ATL3: variants seen among roughly 807,000 people sequenced by gnomAD.
ATL3 encodes the protein atlastin-3.
Under a neutral mutation model 69.5 loss-of-function variants are expected in ATL3, and 49 were observed. The observed-to-expected ratio is 0.71, with a 90% CI of 0.56 to 0.89. The LOEUF is 0.89. Ranked by LOEUF, ATL3 falls within the 40% of genes least tolerant of loss-of-function variation. The pLI is 0.00. For missense variants in ATL3, 606 were observed against 645.7 expected, an observed-to-expected ratio of 0.94 and a Z score of 0.67; for synonymous variants, 214 against 224.1, an observed-to-expected ratio of 0.95 and a Z score of 0.40.
At chr11:63,645,417 TAGAAA>T (rs992067983) in intron 6 of ATL3, among the ~76,000 whole-genome samples, 2 of 151,270 alleles carry the variant, frequency 1.3e-5, no homozygotes, top group African/African-American at 4.9e-5. Flanking sequence ...AAAAATAAAT[TAGAAA>T]AGAAAAGAAA....
intron 6 of ATL3, among the ~76,000 whole-genome samples, chr11:63,645,554 G>GACAGAGAGAC (rs1555054063): frequency 9.3e-5 from 14 of 150,198 alleles, no homozygotes; most frequent in Non-Finnish European, 1.9e-4. Context: ...GAGAGAGAGA[G>GACAGAGAGAC]AGAGAGAGAC....
rs760937113 is a variant in ATL3, at chr11:63,644,168, C to A, written c.711+1G>T. On this transcript the variant is annotated splice_donor_variant, in intron 7 of 12. Transcript: ENST00000398868. LOFTEE classifies it high-confidence loss of function. ...CATCAGAAGATTATAGTCCCACTTA[C>A]CTGTAAACGCTTATCCAAAAATGCC... The A allele has an allele frequency of 1.3e-5, 20 of 1,588,056 alleles. No homozygotes were observed. The African/African-American group carries it at 2.7e-4, about 21-fold the overall frequency.
intron 10 of ATL3, among the ~76,000 whole-genome samples, chr11:63,634,820 C>G (rs1939462128): frequency 6.6e-6 from 1 of 152,064 alleles, no homozygotes; most frequent in African/African-American, 2.4e-5. Context: ...AGTTTGAGAC[C>G]AGCCTGGGCG....
At chr11:63,657,857 CT>C (rs1174775895) in intron 3 of ATL3, among the ~76,000 whole-genome samples, 280 of 136,472 alleles carry the variant, frequency 2.1e-3, no homozygotes, top group East Asian at 7.9e-3. Flanking sequence ...ATGCCATTGG[CT>C]TTTTTTTTTT....
intron 3 of ATL3, 133 bp downstream of exon 3, chr11:63,658,628 C>T (rs1940329332): frequency 9.6e-7 from 1 of 1,046,222 alleles, no homozygotes; most frequent in Non-Finnish European, 1.3e-6. Context: ...AAAACAGGGA[C>T]TTTTTAACTT....
intron 1 of ATL3, among the ~76,000 whole-genome samples, chr11:63,661,426 A>T (rs1940415831): frequency 6.6e-6 from 1 of 152,154 alleles, no homozygotes; most frequent in Admixed American, 6.6e-5. Context: ...GAGTTTCCCT[A>T]CCAAAGCACA....
chr11:63,635,866 C>T (rs899051027), intron 9 of ATL3, among the ~76,000 whole-genome samples: 3 of 148,510 alleles, frequency 2.0e-5, no homozygotes, highest in African/African-American at 7.5e-5. Flanking sequence ...GAGTGACCAT[C>T]CGCCTTGAGG....
upstream of ATL3, chr11:63,671,657 C>A: frequency 7.2e-7 from 1 of 1,394,426 alleles, no homozygotes; most frequent in Non-Finnish European, 9.4e-7. Flanking sequence ...GCGCTGAGTG[C>A]TACCGTCCTT....
intron 1 of ATL3, 46 bp from the exon 2 acceptor site, chr11:63,659,298 A>G: frequency 6.5e-7 from 1 of 1,547,920 alleles, no homozygotes; most frequent in Non-Finnish European, 8.9e-7. Context: ...TATTTAAAAT[A>G]TGTTTTTGAA....
Position 63,658,913 on chromosome 11 carries a change from G to A in ATL3, c.262-9C>T, listed in dbSNP as rs1244060973. ...GAATGGCCACTTTCCTTCTACAGAA[G>A]TAAGAAATTTCTATTAAATCTTAAA... is the stretch of plus-strand genomic sequence containing the variant. On this transcript the variant is annotated splice_polypyrimidine_tract_variant and intron_variant, in intron 2 of 12. Transcript: ENST00000398868. 6.3e-7 allele frequency: 1 copy of A among 1,590,826 alleles called. No homozygotes were observed. Among genetic ancestry groups the A allele is most frequent in the Non-Finnish European group, 8.5e-7 (1 of 1,172,806 alleles).
At chr11:63,658,587 A>C (rs909902940) in intron 3 of ATL3, among the ~76,000 whole-genome samples, 174 bp downstream of exon 3, 1 of 152,242 alleles carries the variant, frequency 6.6e-6, no homozygotes, top group African/African-American at 2.4e-5. Flanking sequence ...AGAAAATCCT[A>C]TTTATCCACA....
At chr11:63,660,281 C>G (rs1407697031) in intron 1 of ATL3, among the ~76,000 whole-genome samples, 1 of 152,058 alleles carries the variant, frequency 6.6e-6, no homozygotes, top group Non-Finnish European at 1.5e-5. Flanking sequence ...AAATAACAGG[C>G]ACTTTGTAAG....
intron 3 of ATL3, among the ~76,000 whole-genome samples, chr11:63,656,005 A>C (rs1019512186): frequency 2.0e-5 from 3 of 152,114 alleles, no homozygotes; most frequent in Non-Finnish European, 4.4e-5. Context: ...CGGGCAGATC[A>C]CGAGGTCAGG....
At chr11:63,644,376 ATT>A in intron 6 of ATL3, 115 bp from the exon 7 acceptor site, 1 of 457,122 alleles carries the variant, frequency 2.2e-6, no homozygotes, top group Non-Finnish European at 3.8e-6. Flanking sequence ...AAGTAGAAGG[ATT>A]TACCTTTTTT....
At chr11:63,636,480 T>C in intron 8 of ATL3, 146 bp from the exon 9 acceptor site, 1 of 1,113,576 alleles carries the variant, frequency 9.0e-7, no homozygotes, top group South Asian at 1.6e-5. Flanking sequence ...GGCTCACGCC[T>C]ATAATCCTAG....
chr11:63,643,253 G>A (rs1330233032), intron 8 of ATL3, 104 bp downstream of exon 8: 3 of 1,256,838 alleles, frequency 2.4e-6, no homozygotes, highest in South Asian at 3.3e-5. Flanking sequence ...CTCTTTCTAA[G>A]AGAGCATACC....
chr11:63,659,008 T>C (rs778474825), intron 2 of ATL3, 30 bp downstream of exon 2: 101 of 1,609,646 alleles, frequency 6.3e-5, no homozygotes, highest in Non-Finnish European at 7.9e-5. Context: ...AGTCTCACTT[T>C]TTACTTGAAA....
At chr11:63,640,343 G>A (rs768618851) in intron 8 of ATL3, among the ~76,000 whole-genome samples, 5 of 151,672 alleles carry the variant, frequency 3.3e-5, no homozygotes, top group African/African-American at 4.8e-5. Flanking sequence ...GCTAGAGTGC[G>A]GTGGTGCAAT....
upstream of ATL3, chr11:63,671,658 T>A: frequency 7.2e-7 from 1 of 1,385,312 alleles, no homozygotes; most frequent in Non-Finnish European, 9.5e-7. Context: ...CGCTGAGTGC[T>A]ACCGTCCTTT....
Sources: allele counts gnomAD v4.1 joint callset (sites outside exome capture counted in the v4.1 genomes callset), GRCh38; gene constraint gnomAD v4.1.1; transcripts MANE v1.5; gene names NCBI Gene and HGNC (gene_info 2026-07-23, HGNC 2026-07-21).